The following ZFYVE28 variants were observed in gnomAD, a reference collection of about 807,000 sequenced individuals.
ZFYVE28 encodes the protein zinc finger FYVE-type containing 28.
In ZFYVE28, 40 loss-of-function variants were observed where a neutral mutation model predicts 82.1. The ratio of observed to expected loss-of-function variants is 0.49; its 90% CI spans 0.38 to 0.63. The LOEUF is 0.63. ZFYVE28 is among the 30% of genes least tolerant of loss of function. ZFYVE28 has a pLI of 0.00. For synonymous variants in ZFYVE28, 612 were observed against 546.1 expected (o/e 1.12, Z -1.68); for missense variants, 1,321 against 1,242.1 (o/e 1.06, Z -0.96).
At chr4:2,330,519 G>C in intron 6 of ZFYVE28, 1 of 1,143,310 alleles carries the variant, frequency 8.7e-7, no homozygotes, top group South Asian at 2.0e-5. Context: ...CAGGGGAGAG[G>C]ACATTGCAGA....
At chr4:2,367,815 C>T (rs1040240692) in intron 1 of ZFYVE28, among the ~76,000 whole-genome samples, 1 of 152,310 alleles carries the variant, frequency 6.6e-6, no homozygotes, top group African/African-American at 2.4e-5. Context: ...TGGACTGATG[C>T]TCAGTCCTGG....
chr4:2,290,111 C>G (rs915245106), intron 8 of ZFYVE28, among the ~76,000 whole-genome samples: 2 of 152,188 alleles, frequency 1.3e-5, no homozygotes, highest in Non-Finnish European at 2.9e-5. Flanking sequence ...AGCCACCCCC[C>G]GGTCACCAGG....
At chr4:2,384,022 A>G (rs1413652666) in intron 1 of ZFYVE28, among the ~76,000 whole-genome samples, 1 of 152,192 alleles carries the variant, frequency 6.6e-6, no homozygotes, top group Non-Finnish European at 1.5e-5. Context: ...GCTGTTCTGC[A>G]AAGAAGGGCC....
At position 2,305,062 on chromosome 4, in the gene ZFYVE28, T is replaced by C. The variant is rs1716340419; in HGVS notation, c.1278A>G (p.Ala426=). The C allele has an allele frequency of 2.5e-6, 4 of 1,611,240 alleles. No individual in the cohort carries two copies. The highest frequency in any genetic ancestry group is 3.4e-6 in the Non-Finnish European group (4 of 1,178,954). ...CCTGGGGGTCGGCCCAGGTACTGCC[T>C]GCCCACCCAAATGGGCCAGCTGGGG... ...PESPAGPFGW[A]GSTWADPQEK... Residue 426 remains alanine, a synonymous_variant, in exon 8 of 13, where the codon GCA becomes GCG. Transcript: ENST00000290974.
chr4:2,279,611 C>T (rs893072861), intron 8 of ZFYVE28, among the ~76,000 whole-genome samples: 14 of 152,104 alleles, frequency 9.2e-5, no homozygotes, highest in African/African-American at 3.4e-4. Flanking sequence ...AACCCTGTCT[C>T]TACTAAAAAT....
chr4:2,339,542 G>A lies in ZFYVE28; in HGVS notation c.432C>T (p.Asp144=), dbSNP rs202112495. 1.9e-6 allele frequency: 3 copies of A among 1,613,660 alleles called. No homozygotes were observed. The highest frequency in any genetic ancestry group is 4.5e-5 in the East Asian group (2 of 44,850). ...AGGTGTTCAGGTCCCGCAGCGCCTG[G>A]TCACGGAGGGCGCCCCGCACGTCCT... The part of the protein sequence containing the change: ...SLEDVRGALR[D]QALRDLNTYT... The change falls in exon 4 of 13, where the codon GAC becomes GAT. Residue 144 remains aspartate (D), a synonymous_variant. Coordinates refer to ENST00000290974, the MANE Select transcript of ZFYVE28 (RefSeq NM_020972.3). This position sits in a 1 kb window ranked among gnomAD's most constrained non-coding sequence, Gnocchi z 5.0.
chr4:2,388,387 T>C (rs1011610521), intron 1 of ZFYVE28, among the ~76,000 whole-genome samples: 5 of 152,142 alleles, frequency 3.3e-5, no homozygotes, highest in African/African-American at 4.8e-5. Context: ...AAAAAGGTCA[T>C]GGACTATCAA....
In ZFYVE28 at chr4:2,270,814, G is replaced by C; in HGVS notation, c.2575C>G (p.Arg859Gly). 6.2e-7 allele frequency: 1 copy of C among 1,613,052 alleles called. No individual in the cohort carries two copies. The highest frequency in any genetic ancestry group is 8.5e-7 in the Non-Finnish European group (1 of 1,179,924). The change falls in exon 13 of 13, where the codon CGC (arginine) becomes GGC (glycine). Residue 859 changes from arginine (R) to glycine (G), a missense_variant. Around this residue, in one of 2 missense-constraint regions of ZFYVE28, gnomAD observed 978 missense variants for 833.7 expected, o/e 1.17. Transcript: ENST00000290974. ...CGGACCGGCTTCACCTGCCCGTAGC[G>C]GGGCAGCGGTGCTGAGTGCGAGGAG... ...RCSSHSAPLP[R>G]YGQVKPVRVC...
chr4:2,360,954 T>C (rs1355972829), intron 1 of ZFYVE28, among the ~76,000 whole-genome samples: 1 of 152,210 alleles, frequency 6.6e-6, no homozygotes, highest in African/African-American at 2.4e-5. Flanking sequence ...TCATTTTAAA[T>C]TCAGTTTTTA....
intron 2 of ZFYVE28, among the ~76,000 whole-genome samples, chr4:2,352,004 T>C (rs1224736795): frequency 6.6e-6 from 1 of 152,168 alleles, no homozygotes; most frequent in East Asian, 1.9e-4. Flanking sequence ...ACCCCCAGCG[T>C]ATATCATATC....
chr4:2,370,709 C>G (rs964573740), intron 1 of ZFYVE28, among the ~76,000 whole-genome samples: 1 of 152,214 alleles, frequency 6.6e-6, no homozygotes, highest in Admixed American at 6.5e-5. Flanking sequence ...CCACCCCCAC[C>G]TCTCGGCTCC....
In ZFYVE28 at chr4:2,339,373, G is replaced by A; in HGVS notation, c.521+80C>T. 2 of 1,479,856 alleles carry A rather than the reference G, an allele frequency of 1.4e-6. No homozygotes were observed. Among genetic ancestry groups the A allele is most frequent in the Non-Finnish European group, 1.8e-6 (2 of 1,091,250 alleles). The allele number at this position is 1,479,856 out of a possible 1,614,324, so 91.7% of individuals were successfully genotyped here. A position where few individuals can be genotyped will look rare whatever the true frequency, so the allele number is the denominator to read the frequency against. On this transcript the variant is annotated intron_variant, in intron 4 of 12. Transcript: ENST00000290974. This position sits in a 1 kb window ranked among gnomAD's most constrained non-coding sequence, Gnocchi z 5.0. ...CCTCTGTGGAATTTTCCAGCTTGAA[G>A]TATCAGGGTGAGCCCCGGAAGCTGG... is the stretch of plus-strand genomic sequence containing the variant.
rs1298807324 is a variant in ZFYVE28 at position 2,394,728 on chromosome 4, C to T, written c.39+23557G>A. Among the ~76,000 whole-genome samples the T allele has an allele frequency of 2.0e-5, 3 of 152,254 alleles. No homozygotes were observed. Among genetic ancestry groups the T allele is most frequent in the African/African-American group, 4.8e-5 (2 of 41,464 alleles). The stretch of plus-strand genomic sequence containing the variant: ...TGTGAACAGGCACCACTCTGCGCAG[C>T]TGCATCGATGCCTGACTGCACGTGT... On this transcript the variant is annotated intron_variant, in intron 1 of 12. Coordinates refer to ENST00000290974, the MANE Select transcript of ZFYVE28 (RefSeq NM_020972.3). This position sits in a 1 kb window ranked among gnomAD's most constrained non-coding sequence, Gnocchi z 4.0.
Position 2,372,277 on chromosome 4 carries a change from G to T in ZFYVE28, c.40-18204C>A, listed in dbSNP as rs954340359. On this transcript the variant is annotated intron_variant, in intron 1 of 12. Transcript: ENST00000290974. The surrounding 1 kb of genome is among the most constrained non-coding windows in gnomAD (Gnocchi z 5.2). Reference sequence around the variant, plus strand: ...GTCTGGTTCCGAGAAGGACTCGTGAGGGGGTAGGAATGGTCCCACCACCCT... The same window carrying T: ...GTCTGGTTCCGAGAAGGACTCGTGATGGGGTAGGAATGGTCCCACCACCCT... Among the ~76,000 whole-genome samples the T allele has an allele frequency of 6.6e-6, 1 of 152,140 alleles. No homozygotes were observed. Among genetic ancestry groups the T allele is most frequent in the African/African-American group, 2.4e-5 (1 of 41,420 alleles).
At chr4:2,399,230 T>TG (rs1289030347) in intron 1 of ZFYVE28, among the ~76,000 whole-genome samples, 1 of 150,808 alleles carries the variant, frequency 6.6e-6, no homozygotes, top group Non-Finnish European at 1.5e-5. Context: ...GTGCACAATG[T>TG]GGGGGGTTGA....
At chr4:2,404,502 A>G (rs960304578) in intron 1 of ZFYVE28, among the ~76,000 whole-genome samples, 3 of 98,026 alleles carry the variant, frequency 3.1e-5, no homozygotes, top group African/African-American at 7.9e-5. Context: ...CTGTCCACTA[A>G]TGGAATATTA....
chr4:2,350,622 G>A lies in ZFYVE28; in HGVS notation c.180+3311C>T, dbSNP rs575706484. Among the ~76,000 whole-genome samples the A allele has an allele frequency of 2.2e-3, 342 of 152,292 alleles. 1 individual carries two copies. Among genetic ancestry groups the A allele is most frequent in the African/African-American group, 7.9e-3 (330 of 41,548 alleles). On this transcript the variant is annotated intron_variant, in intron 2 of 12. Transcript: ENST00000290974. ...GCCCTAGACAGCTTCAGGATGGGGG[G>A]CTGGTCCCTGGGAAGATCAACGCAT... is the stretch of plus-strand genomic sequence containing the variant.
chr4:2,305,003 C>T lies in ZFYVE28; in HGVS notation c.1337G>A (p.Gly446Glu). 1 of 1,612,754 alleles carries T rather than the reference C, an allele frequency of 6.2e-7. No individual in the cohort carries two copies. The highest frequency in any genetic ancestry group is 1.1e-5 in the South Asian group (1 of 91,082). ...KGQGGPGGAA[G>E]ISLPASEKEE... ...CTTTTCCGAGGCGGGCAAGCTGATCCCCGCCGCTCCGCCTGGCCCACCCTG... is the reference window on the plus strand; with the variant it reads ...CTTTTCCGAGGCGGGCAAGCTGATCTCCGCCGCTCCGCCTGGCCCACCCTG... Residue 446 changes from glycine (G) to glutamate (E), a missense_variant, in exon 8 of 13, where the codon GGG becomes GAG. Physicochemically the swap from Gly to Glu is moderately conservative, Grantham distance 98. Coordinates refer to ENST00000290974, the MANE Select transcript of ZFYVE28 (RefSeq NM_020972.3).
At chr4:2,347,251 T>C (rs961343178) in intron 2 of ZFYVE28, among the ~76,000 whole-genome samples, 3 of 152,296 alleles carry the variant, frequency 2.0e-5, no homozygotes, top group South Asian at 4.1e-4. Flanking sequence ...TTAACATTTA[T>C]CAACCTAACA....
Sources: gnomAD v4.1 joint callset for allele counts (sites outside exome capture counted in the v4.1 genomes callset) on GRCh38, gnomAD v4.1.1 for gene constraint, gnomAD v4.1.1 regional missense constraint, Gnocchi (gnomAD v3.1) non-coding constraint, MANE v1.5 for transcripts, NCBI Gene and HGNC (gene_info 2026-07-23, HGNC 2026-07-21) for gene names.